TUSC3: variants seen among roughly 807,000 people sequenced by gnomAD.
TUSC3 encodes the protein dolichyl-diphosphooligosaccharide--protein glycosyltransferase subunit TUSC3.
A neutral mutation model predicts 44.8 loss-of-function variants in TUSC3; 45 were observed. The observed-to-expected ratio is 1.00, with a 90% CI of 0.79 to 1.29. The LOEUF is 1.29. Ranked by LOEUF, TUSC3 falls within the 50% of genes most tolerant of loss-of-function variation. The pLI is 0.00. For synonymous variants in TUSC3, 212 were observed against 152.9 expected (o/e 1.39, Z -2.85); for missense variants, 519 against 437.9 (o/e 1.19, Z -1.65).
chr8:15,474,320 A>G (rs1028833628), intron 1 of TUSC3, among the ~76,000 whole-genome samples: 1 of 152,200 alleles, frequency 6.6e-6, no homozygotes, highest in Non-Finnish European at 1.5e-5. Context: ...CAATTATCAC[A>G]GTGGTCCTGA....
chr8:15,639,632 C>T (rs1435271849), intron 2 of TUSC3, among the ~76,000 whole-genome samples: 1 of 152,104 alleles, frequency 6.6e-6, no homozygotes, highest in African/African-American at 2.4e-5. Flanking sequence ...TCATAAATTA[C>T]AATTCATCTT....
At chr8:15,810,068 T>C in the TUSC3 span, among the ~76,000 whole-genome samples, 2 of 152,128 alleles carry the variant, frequency 1.3e-5, no homozygotes, top group Non-Finnish European at 2.9e-5. Flanking sequence ...ATCACGCTTT[T>C]GGTAGCAAGC....
At chr8:15,756,206 A>C (rs1811921722) in intron 9 of TUSC3, among the ~76,000 whole-genome samples, 1 of 152,096 alleles carries the variant, frequency 6.6e-6, no homozygotes, top group Non-Finnish European at 1.5e-5. Context: ...CCTCTTAACT[A>C]ACTTTGGGGC....
At chr8:15,660,191 T>C (rs977220615) in intron 4 of TUSC3, among the ~76,000 whole-genome samples, 3 of 151,976 alleles carry the variant, frequency 2.0e-5, no homozygotes, top group African/African-American at 7.2e-5. Flanking sequence ...ATAGAAATTT[T>C]GAAAATAATA....
intron 1 of TUSC3, among the ~76,000 whole-genome samples, chr8:15,479,145 G>T (rs570131653): frequency 2.0e-5 from 3 of 152,080 alleles, no homozygotes; most frequent in Admixed American, 6.6e-5. Flanking sequence ...TTTTTTTCTT[G>T]TATATTTGTT....
the TUSC3 span, among the ~76,000 whole-genome samples, chr8:15,798,601 A>C: frequency 2.6e-5 from 4 of 151,862 alleles, no homozygotes; most frequent in Admixed American, 2.6e-4. Flanking sequence ...TGGTTCAACC[A>C]AAGGAACTGC....
intron 1 of TUSC3, among the ~76,000 whole-genome samples, chr8:15,617,144 T>A (rs1224002543): frequency 8.1e-4 from 7 of 8,606 alleles, no homozygotes; most frequent in East Asian, 3.1e-3. Context: ...ATATATTTTT[T>A]TTTTTTTTTT....
chr8:15,666,773 A>T (rs1473252605), intron 5 of TUSC3, among the ~76,000 whole-genome samples: 2 of 151,478 alleles, frequency 1.3e-5, no homozygotes, highest in African/African-American at 4.8e-5. Context: ...GGCCCCAGAC[A>T]GTTCTGCTCA....
chr8:15,453,710 G>A (rs893236285), intron 1 of TUSC3, among the ~76,000 whole-genome samples: 1 of 152,172 alleles, frequency 6.6e-6, no homozygotes, highest in African/African-American at 2.4e-5. Flanking sequence ...TAATTACACA[G>A]AGAATTATTC....
chr8:15,790,097 C>G, the TUSC3 span, among the ~76,000 whole-genome samples: 1 of 151,456 alleles, frequency 6.6e-6, no homozygotes, highest in African/African-American at 2.4e-5. Context: ...ACAGGTTATT[C>G]CGAAATCTCT....
rs753028397 is a variant in TUSC3 at position 15,650,820 on chromosome 8, G to A, written c.426+6G>A. The stretch of plus-strand genomic sequence containing the variant: ...GGACAGACGTTTTTCAGCAGGTAAA[G>A]AGTTATATCGTATTCATATATTTAA... On this transcript the variant is annotated splice_donor_region_variant and intron_variant, in intron 3 of 10. Transcript: ENST00000503731. 6.2e-7 allele frequency: 1 copy of A among 1,608,030 alleles called. No individual in the cohort carries two copies.
chr8:15,741,808 A>G (rs943603366), intron 7 of TUSC3, among the ~76,000 whole-genome samples: 1 of 152,182 alleles, frequency 6.6e-6, no homozygotes, highest in African/African-American at 2.4e-5. Context: ...CATATAAAAG[A>G]TATTGCAGAA....
intron 1 of TUSC3, among the ~76,000 whole-genome samples, chr8:15,584,004 G>C (rs1321178673): frequency 1.3e-5 from 2 of 152,268 alleles, no homozygotes; most frequent in African/African-American, 4.8e-5. Context: ...GTATTGCAGG[G>C]GCAGTATTTT....
chr8:15,774,359 T>C, the TUSC3 span, among the ~76,000 whole-genome samples: 1 of 152,130 alleles, frequency 6.6e-6, no homozygotes, highest in Non-Finnish European at 1.5e-5. Flanking sequence ...AGAATGCTCC[T>C]AATCCAGTAT....
In TUSC3 at chr8:15,569,731, T is replaced by C. The variant is rs573610806; in HGVS notation, c.138+29163T>C. Among the ~76,000 whole-genome samples, 174 of 152,270 alleles carry C rather than the reference T, an allele frequency of 1.1e-3. 2 individuals are homozygous for C. The highest frequency in any genetic ancestry group is 4.0e-3 in the African/African-American group (166 of 41,538). On this transcript the variant is annotated intron_variant, in intron 1 of 10. Transcript: ENST00000503731. The stretch of plus-strand genomic sequence containing the variant: ...TTGAAAATGGATACATAGTGTTTGA[T>C]GCATTTTTGTTGATTAGCATAATTT...
chr8:15,706,013 T>C (rs1809601751), intron 6 of TUSC3, among the ~76,000 whole-genome samples: 1 of 152,018 alleles, frequency 6.6e-6, no homozygotes, highest in Non-Finnish European at 1.5e-5. Flanking sequence ...ACTCATATTA[T>C]ACATGGTTGG....
rs534737121 is a variant in TUSC3 at position 15,576,253 on chromosome 8, C to CTT, written c.138+35697_138+35698dup. Among the ~76,000 whole-genome samples, 899 of 118,578 alleles carry CTT rather than the reference C, an allele frequency of 7.6e-3. 10 individuals are homozygous for CTT. Among genetic ancestry groups the CTT allele is most frequent in the African/African-American group, 0.026 (813 of 31,838 alleles). 77.8% of individuals were successfully genotyped at this position (118,578 alleles called of 152,430 possible). A position where few individuals can be genotyped will look rare whatever the true frequency, so the allele number is the denominator to read the frequency against. ...ATTAAGAATCCTCTGCTTTTTCTTT[C>CTT]TTTTTTTTTTTTTCTTGGTCCTCTT... is the stretch of plus-strand genomic sequence containing the variant. On this transcript the variant is annotated intron_variant, in intron 1 of 10. Coordinates refer to ENST00000503731, the MANE Select transcript of TUSC3 (RefSeq NM_006765.4).
intron 2 of TUSC3, among the ~76,000 whole-genome samples, chr8:15,504,708 A>G (rs1348892908): frequency 7.3e-5 from 10 of 136,914 alleles, no homozygotes; most frequent in African/African-American, 2.5e-4. Context: ...GCTGGAGTGC[A>G]GTGGTGCGAT....
chr8:15,743,728 T>G, intron 8 of TUSC3, 116 bp downstream of exon 8: 1 of 1,165,466 alleles, frequency 8.6e-7, no homozygotes, highest in Non-Finnish European at 1.3e-6. Flanking sequence ...ATGTTCTGGT[T>G]TGAAGAAGAT....
Sources: allele counts gnomAD v4.1 joint callset (sites outside exome capture counted in the v4.1 genomes callset), GRCh38; gene constraint gnomAD v4.1.1; transcripts MANE v1.5; gene names NCBI Gene and HGNC (gene_info 2026-07-23, HGNC 2026-07-21).